Variants in GABRQ observed in about 807,000 individuals in gnomAD.
The protein encoded by GABRQ is gamma-aminobutyric acid type A receptor subunit theta, also known as gamma-aminobutyric acid receptor subunit theta.
In GABRQ, 19 loss-of-function variants were observed where a neutral mutation model predicts 30.5. The ratio of observed to expected loss-of-function variants is 0.62; its 90% CI spans 0.43 to 0.91. GABRQ has a LOEUF of 0.91. Ranked by LOEUF, GABRQ falls within the 40% of genes least tolerant of loss-of-function variation. GABRQ has a pLI of 0.00. For missense variants in GABRQ, 520 were observed against 521.4 expected (o/e 1.00, Z 0.03); for synonymous variants, 187 against 210.2 (o/e 0.89, Z 0.95).
intron 7 of GABRQ, among the ~76,000 whole-genome samples, chrX:152,651,211 G>A (rs1482854277): frequency 1.8e-5 from 2 of 111,779 alleles, no homozygotes; most frequent in African/African-American, 6.5e-5. Flanking sequence ...AATAGTTTAG[G>A]GCTCAGAAAA....
intron 5 of GABRQ, 58 bp downstream of exon 5, chrX:152,649,391 G>A: frequency 1.4e-6 from 1 of 711,575 alleles, no homozygotes; most frequent in Non-Finnish European, 2.3e-6. Flanking sequence ...GATCAGGGAA[G>A]CAGAGGCTGA....
At position 152,652,608 on chromosome X, in the gene GABRQ, C is replaced by G. The variant is rs1931051423; in HGVS notation, c.1226C>G (p.Ala409Gly). ...LPITPAQAPL[A>G]SPESLGSLTS... is the part of the protein sequence containing the mutation. Reference sequence around the variant, plus strand: ...ATCACCCCAGCGCAGGCCCCCCTGGCAAGCCCGGAAAGCCTCGGTTCTTTG... The same window carrying G: ...ATCACCCCAGCGCAGGCCCCCCTGGGAAGCCCGGAAAGCCTCGGTTCTTTG... Residue 409 changes from alanine (A) to glycine (G), a missense_variant, in exon 9 of 9, where the codon GCA (alanine) becomes GGA (glycine). Ala to Gly is a moderately conservative substitution (Grantham distance 60). Coordinates refer to ENST00000598523, the MANE Select transcript of GABRQ (RefSeq NM_018558.4). 1.7e-6 allele frequency: 2 copies of G among 1,209,366 alleles called. No individual in the cohort carries two copies. The highest frequency in any genetic ancestry group is 2.2e-5 in the Admixed American group (1 of 45,935).
In GABRQ at chrX:152,649,243, C is replaced by G; in HGVS notation, c.528-8C>G. The G allele has an allele frequency of 2.6e-6, 3 of 1,160,980 alleles. No individual in the cohort carries two copies. The African/African-American group carries it at 5.3e-5, about 20-fold the overall frequency. On this transcript the variant is annotated splice_polypyrimidine_tract_variant and splice_region_variant and intron_variant, in intron 4 of 8. Coordinates refer to ENST00000598523, the MANE Select transcript of GABRQ (RefSeq NM_018558.4). ...CACTTTCTCCTTCCTTTTTGTTTTC[C>G]TTTGCAGACTCACCACTACAGCAGC...
chrX:152,653,502 C>T lies in GABRQ; in HGVS notation c.*221C>T, dbSNP rs964841057. 2.2e-5 allele frequency: 8 copies of T among 361,745 alleles called. No homozygotes were observed. The highest frequency in any genetic ancestry group is 5.1e-5 in the Admixed American group (1 of 19,567). 29.8% of individuals were successfully genotyped at this position (361,745 alleles called of 1,213,427 possible). ...GAGGAGGAGTTGGAGGTATACAGCA[C>T]ATGGATTTCCTTTCCTGCTAGAAGA... On this transcript the variant is annotated 3_prime_UTR_variant, in exon 9 of 9. Coordinates refer to ENST00000598523, the MANE Select transcript of GABRQ (RefSeq NM_018558.4).
At position 152,654,478 on chromosome X, in the gene GABRQ, T is replaced by C. The variant is rs1252124178; in HGVS notation, c.*1197T>C. The C allele has an allele frequency of 1.8e-5, 2 of 111,356 alleles. No homozygotes were observed. The highest frequency in any genetic ancestry group is 2.8e-4 in the East Asian group (1 of 3,520). 9.2% of individuals were successfully genotyped at this position (111,356 alleles called of 1,213,427 possible). ...TGAGTGGTAGATCCACCCCACTTGC[T>C]CTTTCTTGTCTTTTTCCTCCTGACT... On this transcript the variant is annotated 3_prime_UTR_variant, in exon 9 of 9. Coordinates refer to ENST00000598523, the MANE Select transcript of GABRQ (RefSeq NM_018558.4).
intron 3 of GABRQ, 24 bp downstream of exon 3, chrX:152,645,618 G>A (rs1556819103): frequency 1.1e-6 from 1 of 932,234 alleles, no homozygotes; most frequent in South Asian, 2.0e-5. Context: ...TTCCAGCCAT[G>A]GGGTTGGGAA....
rs1930870165 is a variant in GABRQ at position 152,645,614 on chromosome X, C to T, written c.306+20C>T. On this transcript the variant is annotated intron_variant, in intron 3 of 8. Transcript: ENST00000598523. ...AATATGGTAAGTGTGTTATTTCCAGCCATGGGGTTGGGAACAGAGGACATG... is the reference window on the plus strand; with the variant it reads ...AATATGGTAAGTGTGTTATTTCCAGTCATGGGGTTGGGAACAGAGGACATG... 3.1e-6 allele frequency: 3 copies of T among 960,543 alleles called. No individual in the cohort carries two copies. Among genetic ancestry groups the T allele is most frequent in the Non-Finnish European group, 4.5e-6 (3 of 667,441 alleles). 79.2% of individuals were successfully genotyped at this position (960,543 alleles called of 1,213,427 possible).
At chrX:152,638,413 C>CCG in intron 1 of GABRQ, 62 bp downstream of exon 1, 1 of 1,117,152 alleles carries the variant, frequency 9.0e-7, no homozygotes, top group Non-Finnish European at 1.2e-6. Flanking sequence ...CAGACGACCT[C>CCG]TGGCCTCTTG....
At chrX:152,649,180 C>A in intron 4 of GABRQ, 71 bp from the exon 5 acceptor site, 1 of 669,029 alleles carries the variant, frequency 1.5e-6, no homozygotes, top group Non-Finnish European at 2.5e-6. Flanking sequence ...CCCACCCCTG[C>A]AGTTTCCTCA....
intron 4 of GABRQ, among the ~76,000 whole-genome samples, chrX:152,647,562 C>CT (rs1301674426): frequency 1.2e-4 from 14 of 112,002 alleles, no homozygotes; most frequent in Non-Finnish European, 2.3e-4. Context: ...TTATCTTTGT[C>CT]TTTTCTCTCT....
Position 152,649,194 on chromosome X carries a change from A to T in GABRQ, c.528-57A>T, listed in dbSNP as rs1403900417. 5.7e-5 allele frequency: 44 copies of T among 772,039 alleles called. No homozygotes were observed. In the Admixed American group the frequency reaches 9.7e-4, roughly 17 times the overall value. The allele number at this position is 772,039 out of a possible 1,213,427, so 63.6% of individuals were successfully genotyped here. On this transcript the variant is annotated intron_variant, in intron 4 of 8. Transcript: ENST00000598523. ...CCCCACCCCTGCAGTTTCCTCAGCAATGGTTGTTTGCCTAGGCTTCACTCA... is the reference window on the plus strand; with the variant it reads ...CCCCACCCCTGCAGTTTCCTCAGCATTGGTTGTTTGCCTAGGCTTCACTCA...
intron 4 of GABRQ, 128 bp from the exon 5 acceptor site, chrX:152,649,123 T>C (rs1930955908): frequency 7.9e-6 from 4 of 503,840 alleles, no homozygotes; most frequent in Non-Finnish European, 1.1e-5. Context: ...ACAAATTTCC[T>C]CTCTCCTCTC....
chrX:152,639,378 G>GCGCGCACACACA (rs202009485), intron 1 of GABRQ, among the ~76,000 whole-genome samples: 6 of 103,344 alleles, frequency 5.8e-5, no homozygotes, highest in African/African-American at 2.2e-4. Context: ...ATGCGCGTGC[G>GCGCGCACACACA]CACACACACA....
intron 3 of GABRQ, among the ~76,000 whole-genome samples, chrX:152,646,546 T>C (rs1330839282): frequency 8.9e-6 from 1 of 112,262 alleles, no homozygotes; most frequent in Non-Finnish European, 1.9e-5. Context: ...CATACAGTAT[T>C]ATTTCATTCA....
chrX:152,657,836 T>G (rs1280556286), downstream of GABRQ, among the ~76,000 whole-genome samples: 1 of 112,754 alleles, frequency 8.9e-6, no homozygotes, highest in Non-Finnish European at 1.9e-5. Flanking sequence ...GGTAGAAGTT[T>G]CGTTCAATTT....
At chrX:152,644,721 C>T (rs1236055134) in intron 2 of GABRQ, among the ~76,000 whole-genome samples, 6 of 111,890 alleles carry the variant, frequency 5.4e-5, no homozygotes, top group South Asian at 3.7e-4. Flanking sequence ...CACCTCCTCA[C>T]GAACACACTC....
chrX:152,640,807 G>C (rs1930739677), intron 2 of GABRQ, among the ~76,000 whole-genome samples: 1 of 111,585 alleles, frequency 9.0e-6, no homozygotes, highest in African/African-American at 3.3e-5. Flanking sequence ...TTCTGCTCCA[G>C]CTCCTGGGAG....
intron 7 of GABRQ, 39 bp downstream of exon 7, chrX:152,650,619 T>C: frequency 1.8e-6 from 2 of 1,101,433 alleles, no homozygotes; most frequent in Non-Finnish European, 2.5e-6. Flanking sequence ...ATTTGGGTCA[T>C]TTGGCTCAGA....
chrX:152,649,783 A>G lies in GABRQ; in HGVS notation c.652A>G (p.Asn218Asp). 8.5e-7 allele frequency: 1 copy of G among 1,178,708 alleles called. No homozygotes were observed. The highest frequency in any genetic ancestry group is 1.2e-6 in the Non-Finnish European group (1 of 865,674). The change falls in exon 6 of 9, where the codon AAT becomes GAT. Residue 218 changes from asparagine (N) to aspartate (D), a missense_variant. Asn to Asp is a conservative substitution (Grantham distance 23). Transcript: ENST00000598523. Reference protein sequence around the residue: ...VEDIILFWDDNGNAIHMTEEL... With the variant: ...VEDIILFWDDDGNAIHMTEEL... ...AGACATCATATTATTCTGGGATGACAATGGGAACGCCATCCACATGACTGA... is the reference window on the plus strand; with the variant it reads ...AGACATCATATTATTCTGGGATGACGATGGGAACGCCATCCACATGACTGA...
Sources: gnomAD v4.1 joint callset for allele counts (sites outside exome capture counted in the v4.1 genomes callset) on GRCh38, gnomAD v4.1.1 for gene constraint, MANE v1.5 for transcripts, NCBI Gene and HGNC (gene_info 2026-07-23, HGNC 2026-07-21) for gene names.